Variants in BRI3 observed in about 807,000 individuals in gnomAD.
The protein encoded by BRI3 is membrane protein BRI3.
In BRI3, 6 loss-of-function variants were observed where a neutral mutation model predicts 12.8. That is an observed-to-expected ratio of 0.47 (90% CI 0.26 to 0.93). The LOEUF is 0.93. Among genes scored for constraint, BRI3 ranks in the 40% least tolerant of loss-of-function variants. BRI3 has a pLI of 0.15. For missense variants in BRI3, 134 were observed against 171.1 expected (o/e 0.78, Z 1.21); for synonymous variants, 91 against 76.1 (o/e 1.20, Z -1.02).
chr7:98,310,874 T>C (rs1985594), downstream of BRI3, among the ~76,000 whole-genome samples: 133,374 of 151,722 alleles, frequency 0.88, 58,906 homozygotes, highest in East Asian at 0.96. Context: ...TTAGTAGAGA[T>C]GAGGTTTCAC....
At chr7:98,302,797 C>CT (rs1473966342), upstream of BRI3, among the ~76,000 whole-genome samples, 7 of 152,136 alleles carry the variant, frequency 4.6e-5, 1 homozygote, top group African/African-American at 1.7e-4. Context: ...AACCATTTTT[C>CT]TTTTTTTATG....
At chr7:98,286,900 G>C (rs568994259) in intron 2 of BRI3, among the ~76,000 whole-genome samples, 119 of 152,380 alleles carry the variant, frequency 7.8e-4, no homozygotes, top group Middle Eastern at 3.4e-3. Flanking sequence ...GTGACAGCGA[G>C]TTCTGCCTTC....
intron 2 of BRI3, among the ~76,000 whole-genome samples, chr7:98,286,774 CTT>C (rs1353844705): frequency 6.6e-6 from 1 of 152,234 alleles, no homozygotes; most frequent in African/African-American, 2.4e-5. Flanking sequence ...GCAGTTAAAA[CTT>C]TAATATTTCT....
Position 98,291,082 on chromosome 7 carries a change from GCCA to G in BRI3, c.246-26_246-24del, listed in dbSNP as rs760364578. ...TTCTGGCTGCCCGGGTCCTTACGGT[GCCA>G]CCCTCTCTGCCCGTCTCTGCTGCAG... is the stretch of plus-strand genomic sequence containing the variant. On this transcript the variant is annotated intron_variant, in intron 2 of 2. Transcript: ENST00000297290. The G allele has an allele frequency of 3.1e-6, 5 of 1,613,684 alleles. No individual in the cohort carries two copies. The Admixed American group carries it at 5.0e-5, about 16-fold the overall frequency.
upstream of BRI3, chr7:98,304,298 C>T (rs769964999): frequency 1.2e-6 from 2 of 1,613,638 alleles, no homozygotes; most frequent in Non-Finnish European, 1.7e-6. Context: ...ACAAGCATTC[C>T]AAGTAGTCGG....
chr7:98,294,672 G>A (rs1047709133), downstream of BRI3, among the ~76,000 whole-genome samples: 10 of 152,352 alleles, frequency 6.6e-5, no homozygotes, highest in East Asian at 1.2e-3. Context: ...TCTTTTGAAC[G>A]CAGAATCTAG....
exon 2 of BRI3, chr7:98,308,605 G>A (rs1006717224): frequency 1.2e-5 from 3 of 250,514 alleles, no homozygotes; most frequent in Non-Finnish European, 2.4e-5. Context: ...AGGCTGTGCT[G>A]TTCATGTCTC....
At chr7:98,313,922 G>A (rs1027245443), downstream of BRI3, among the ~76,000 whole-genome samples, 2 of 150,396 alleles carry the variant, frequency 1.3e-5, no homozygotes, top group Non-Finnish European at 2.9e-5. Flanking sequence ...GAGCCACTGT[G>A]CCTGGCCTGC....
upstream of BRI3, among the ~76,000 whole-genome samples, chr7:98,301,748 G>T (rs568623255): frequency 6.6e-6 from 1 of 152,140 alleles, no homozygotes; most frequent in African/African-American, 2.4e-5. Flanking sequence ...TTTGGCAGGT[G>T]CGGCCTGTGG....
At chr7:98,296,671 A>G (rs1800206123), downstream of BRI3, among the ~76,000 whole-genome samples, 1 of 152,186 alleles carries the variant, frequency 6.6e-6, no homozygotes, top group Non-Finnish European at 1.5e-5. Flanking sequence ...CAGAAACAAC[A>G]AAAACATATT....
At chr7:98,304,319 G>A (rs150111684), upstream of BRI3, 10 of 1,613,326 alleles carry the variant, frequency 6.2e-6, no homozygotes, top group Non-Finnish European at 8.5e-6. Context: ...GTGGGGGGAT[G>A]ACAACACTGC....
chr7:98,321,773 G>A, the BRI3 span, among the ~76,000 whole-genome samples: 3 of 152,212 alleles, frequency 2.0e-5, no homozygotes, highest in South Asian at 2.1e-4. Context: ...ATGTGCCGGC[G>A]GACCATCCTA....
exon 2 of BRI3, chr7:98,307,940 A>G (rs757715872): frequency 1.3e-6 from 2 of 1,578,670 alleles, no homozygotes; most frequent in Non-Finnish European, 1.7e-6. Flanking sequence ...AAAGCATGAG[A>G]ATCAATAGGC....
exon 2 of BRI3, chr7:98,307,656 G>T: frequency 6.2e-7 from 1 of 1,610,618 alleles, no homozygotes; most frequent in Non-Finnish European, 8.5e-7. Context: ...GGGCCGTCTG[G>T]TGCCCTGCGG....
downstream of BRI3, among the ~76,000 whole-genome samples, chr7:98,295,326 G>A (rs895457746): frequency 6.6e-6 from 1 of 152,114 alleles, no homozygotes; most frequent in Non-Finnish European, 1.5e-5. Flanking sequence ...CAGGGCATCT[G>A]GGGCCAATTC....
intron 2 of BRI3, among the ~76,000 whole-genome samples, chr7:98,283,523 G>A (rs925371891): frequency 6.6e-6 from 1 of 151,964 alleles, no homozygotes; most frequent in African/African-American, 2.4e-5. Context: ...ATTAGCCTTT[G>A]GAGTGAAGGT....
chr7:98,288,619 T>G (rs1453427948), intron 2 of BRI3, among the ~76,000 whole-genome samples: 1 of 151,874 alleles, frequency 6.6e-6, no homozygotes, highest in Admixed American at 6.6e-5. Flanking sequence ...GGTGGCGTTG[T>G]GTGAGTTTGG....
intron 1 of BRI3, 37 bp from the exon 2 acceptor site, chr7:98,282,314 C>A: frequency 6.5e-7 from 1 of 1,545,946 alleles, no homozygotes. Context: ...CCGATTTCTC[C>A]TCCCTGCACC....
At chr7:98,302,079 C>T (rs1244464542), upstream of BRI3, among the ~76,000 whole-genome samples, 3 of 152,246 alleles carry the variant, frequency 2.0e-5, no homozygotes, top group East Asian at 3.9e-4. Flanking sequence ...ATCCAGCCAA[C>T]GAAGAGGTTT....
Sources: allele counts gnomAD v4.1 joint callset (sites outside exome capture counted in the v4.1 genomes callset), GRCh38; gene constraint gnomAD v4.1.1; transcripts MANE v1.5; gene names NCBI Gene and HGNC (gene_info 2026-07-23, HGNC 2026-07-21).